The following VEPH1 variants were observed in gnomAD, a reference collection of about 807,000 sequenced individuals.
VEPH1 encodes the protein ventricular zone-expressed PH domain-containing protein homolog 1.
In VEPH1, 80 loss-of-function variants were observed where a neutral mutation model predicts 85.2. That is an observed-to-expected ratio of 0.94 (90% CI 0.78 to 1.13). VEPH1 has a LOEUF of 1.13. VEPH1 is among the 50% of genes most tolerant of loss of function. VEPH1 has a pLI of 0.00. For missense variants in VEPH1, 955 were observed against 980.5 expected (o/e 0.97, Z 0.35); for synonymous variants, 297 against 348.0 (o/e 0.85, Z 1.63).
chr3:157,332,590 TA>T (rs1722607612), intron 9 of VEPH1, among the ~76,000 whole-genome samples: 1 of 152,234 alleles, frequency 6.6e-6, no homozygotes, highest in Non-Finnish European at 1.5e-5. Context: ...TTTGCATGGC[TA>T]AATAACATTC....
intron 9 of VEPH1, among the ~76,000 whole-genome samples, chr3:157,336,972 TTTGA>T (rs1392267276): frequency 6.6e-6 from 1 of 152,200 alleles, no homozygotes; most frequent in Admixed American, 6.5e-5. Context: ...TAGAACGTAA[TTTGA>T]TTAACAGTGA....
chr3:157,379,647 A>T (rs1728540178), intron 7 of VEPH1, among the ~76,000 whole-genome samples: 1 of 152,176 alleles, frequency 6.6e-6, no homozygotes, highest in African/African-American at 2.4e-5. Context: ...CTCTATCAAG[A>T]TGGCTTCTCA....
At chr3:157,376,395 C>A (rs1269938161) in intron 7 of VEPH1, among the ~76,000 whole-genome samples, 1 of 152,202 alleles carries the variant, frequency 6.6e-6, no homozygotes, top group East Asian at 1.9e-4. Context: ...TCTCCCTCCC[C>A]AGCTTCAACT....
At chr3:157,403,240 C>CAA (rs60742690) in intron 6 of VEPH1, among the ~76,000 whole-genome samples, 1,907 of 150,114 alleles carry the variant, frequency 0.013, 55 homozygotes, top group African/African-American at 0.045. Context: ...ACTTGAGCTA[C>CAA]AAAAAAAAAT....
intron 1 of VEPH1, among the ~76,000 whole-genome samples, chr3:157,498,372 T>A (rs1364817895): frequency 6.6e-6 from 1 of 152,212 alleles, no homozygotes; most frequent in African/African-American, 2.4e-5. Flanking sequence ...AAACGAGCCC[T>A]TTATAAAATA....
chr3:157,274,399 A>C (rs1021432914), intron 12 of VEPH1, among the ~76,000 whole-genome samples: 5 of 152,040 alleles, frequency 3.3e-5, no homozygotes, highest in African/African-American at 1.2e-4. Flanking sequence ...TAAGAGAGGG[A>C]CTCCTGCAGT....
At chr3:157,398,740 T>G (rs965268486) in intron 6 of VEPH1, among the ~76,000 whole-genome samples, 2 of 151,832 alleles carry the variant, frequency 1.3e-5, no homozygotes, top group Non-Finnish European at 2.9e-5. Flanking sequence ...TCCCAAAGGC[T>G]CCCGACAGCA....
chr3:157,329,664 T>C (rs1421656029), intron 9 of VEPH1, among the ~76,000 whole-genome samples: 1 of 152,160 alleles, frequency 6.6e-6, no homozygotes, highest in African/African-American at 2.4e-5. Context: ...TTACTTTCAC[T>C]TTCTTACTGC....
intron 11 of VEPH1, among the ~76,000 whole-genome samples, chr3:157,300,776 T>C (rs918363765): frequency 1.3e-5 from 2 of 152,242 alleles, no homozygotes; most frequent in South Asian, 4.1e-4. Context: ...CTTAATATAA[T>C]GGATTGTGTG....
At chr3:157,496,975 T>C (rs1234261611) in intron 1 of VEPH1, among the ~76,000 whole-genome samples, 2 of 152,190 alleles carry the variant, frequency 1.3e-5, no homozygotes, top group African/African-American at 4.8e-5. Flanking sequence ...ATTCATCTAA[T>C]CCTCATAACT....
intron 2 of VEPH1, among the ~76,000 whole-genome samples, chr3:157,484,032 A>G (rs1738389302): frequency 6.6e-6 from 1 of 152,200 alleles, no homozygotes; most frequent in Non-Finnish European, 1.5e-5. Context: ...CTATATCTAG[A>G]CATGTAATAG....
At chr3:157,373,047 C>T (rs1317323323) in intron 7 of VEPH1, among the ~76,000 whole-genome samples, 1 of 152,166 alleles carries the variant, frequency 6.6e-6, no homozygotes, top group Non-Finnish European at 1.5e-5. Context: ...ATAGTCTTCA[C>T]TGTTCTAAAT....
At chr3:157,446,653 G>A (rs1017531562) in intron 4 of VEPH1, among the ~76,000 whole-genome samples, 3 of 152,156 alleles carry the variant, frequency 2.0e-5, no homozygotes, top group Non-Finnish European at 4.4e-5. Context: ...AAGGCCAAAT[G>A]TTTCCAGCAT....
In VEPH1 at chr3:157,441,809, C is replaced by CAA. The variant is rs34525960; in HGVS notation, c.530-13323_530-13322dup. Among the ~76,000 whole-genome samples the CAA allele has an allele frequency of 3.2e-3, 396 of 125,412 alleles. 3 individuals carry two copies. Among genetic ancestry groups the CAA allele is most frequent in the South Asian group, 9.2e-3 (37 of 4,012 alleles). 82.3% of individuals were successfully genotyped at this position (125,412 alleles called of 152,430 possible). A position where few individuals can be genotyped will look rare whatever the true frequency, so the allele number is the denominator to read the frequency against. ...TGGGTGACAGAGTGAGACTCTGTCT[C>CAA]AAAAAAAAAAAAAAATGTATTCTGC... On this transcript the variant is annotated intron_variant, in intron 4 of 13. Transcript: ENST00000362010.
intron 6 of VEPH1, among the ~76,000 whole-genome samples, chr3:157,393,257 AC>A (rs1173726415): frequency 3.3e-5 from 5 of 152,180 alleles, no homozygotes; most frequent in Admixed American, 6.5e-5. Flanking sequence ...CCTGGGACCC[AC>A]CCTGTTTTCC....
chr3:157,464,921 A>G (rs534814275), intron 3 of VEPH1, among the ~76,000 whole-genome samples: 109 of 152,342 alleles, frequency 7.2e-4, no homozygotes, highest in Middle Eastern at 3.4e-3. Context: ...ATCAAAGCTA[A>G]ACCAATTTTG....
At chr3:157,489,366 C>A in intron 2 of VEPH1, 1 of 346,344 alleles carries the variant, frequency 2.9e-6, no homozygotes, top group Non-Finnish European at 5.8e-6. Context: ...GGTCCTTCTG[C>A]CTGAAATGAT....
intron 3 of VEPH1, among the ~76,000 whole-genome samples, chr3:157,463,673 C>A (rs1453410098): frequency 1.3e-5 from 2 of 152,108 alleles, no homozygotes; most frequent in Non-Finnish European, 2.9e-5. Flanking sequence ...TTGTTTGGAC[C>A]CACTAAGGCT....
chr3:157,333,494 G>A (rs1210169723), intron 9 of VEPH1, among the ~76,000 whole-genome samples: 1 of 152,202 alleles, frequency 6.6e-6, no homozygotes, highest in African/African-American at 2.4e-5. Context: ...AGACATGAAA[G>A]TAATTTTGGA....
Sources: gnomAD v4.1 joint callset for allele counts (sites outside exome capture counted in the v4.1 genomes callset) on GRCh38, gnomAD v4.1.1 for gene constraint, MANE v1.5 for transcripts, NCBI Gene and HGNC (gene_info 2026-07-23, HGNC 2026-07-21) for gene names.